BIRC6: variants seen among roughly 807,000 people sequenced by gnomAD.
BIRC6 encodes the protein baculoviral IAP repeat containing 6.
A neutral mutation model predicts 503.3 loss-of-function variants in BIRC6; 98 were observed. The observed-to-expected ratio is 0.19, with a 90% CI of 0.17 to 0.23. The LOEUF is 0.23. BIRC6 is among the 10% of genes least tolerant of loss of function. The pLI, the probability that BIRC6 is intolerant of heterozygous loss-of-function variation, is 1.00. For synonymous variants in BIRC6, 2,240 were observed against 2,078.7 expected, an observed-to-expected ratio of 1.08 and a Z score of -2.11; for missense variants, 5,360 against 5,806.0, an observed-to-expected ratio of 0.92 and a Z score of 2.50.
intron 61 of BIRC6, among the ~76,000 whole-genome samples, chr2:32,534,024 T>C (rs540804389): frequency 6.2e-4 from 95 of 152,296 alleles, no homozygotes; most frequent in African/African-American, 2.2e-3. Context: ...GAATTTCTAA[T>C]ATATCAAATT....
At chr2:32,487,526 C>A in intron 40 of BIRC6, 121 bp from the exon 41 acceptor site, 3 of 786,012 alleles carry the variant, frequency 3.8e-6, no homozygotes, top group South Asian at 6.3e-5. Context: ...TGTTTTGAAC[C>A]ATTCTAAAGA....
intron 50 of BIRC6, among the ~76,000 whole-genome samples, chr2:32,507,430 T>C (rs919620569): frequency 2.0e-5 from 3 of 152,110 alleles, no homozygotes; most frequent in African/African-American, 7.2e-5. Flanking sequence ...CAAGACTCTA[T>C]CTCAGGAAAA....
chr2:32,516,625 T>C (rs1232540458), intron 55 of BIRC6, among the ~76,000 whole-genome samples: 1 of 150,614 alleles, frequency 6.6e-6, no homozygotes, highest in Admixed American at 6.6e-5. Context: ...TAATTTATCA[T>C]ATATTATGAT....
chr2:32,368,546 CAAAT>C (rs1000012621), intron 1 of BIRC6, among the ~76,000 whole-genome samples: 7 of 151,804 alleles, frequency 4.6e-5, no homozygotes, highest in Non-Finnish European at 8.8e-5. Context: ...TCCCCCACAC[CAAAT>C]AAATAAATAA....
chr2:32,550,362 C>T (rs967222145), intron 65 of BIRC6, among the ~76,000 whole-genome samples: 1 of 152,076 alleles, frequency 6.6e-6, no homozygotes, highest in Non-Finnish European at 1.5e-5. Flanking sequence ...CCCGTATTCC[C>T]CAGTATCAGG....
chr2:32,407,273 C>A (rs1168574898), intron 9 of BIRC6, among the ~76,000 whole-genome samples: 1 of 151,896 alleles, frequency 6.6e-6, no homozygotes, highest in Non-Finnish European at 1.5e-5. Flanking sequence ...TGGTGAAACC[C>A]CGTTTCTACT....
At chr2:32,403,962 C>T (rs903767134) in intron 8 of BIRC6, among the ~76,000 whole-genome samples, 1 of 149,040 alleles carries the variant, frequency 6.7e-6, no homozygotes, top group Non-Finnish European at 1.5e-5. Context: ...GAGTCTCACC[C>T]TGTCGCCCAG....
In BIRC6 at chr2:32,469,530, G is replaced by A; in HGVS notation, c.6263G>A (p.Gly2088Asp). ...CTTCTTCTTGTTCAACTGTGTGGTG[G>A]TGAAAGGTGGTGGGGTCAATTTCTT... Reference protein sequence around the residue: ...TGLLLVQLCGGERWWGQFLSN... With the variant: ...TGLLLVQLCGDERWWGQFLSN... The change falls in exon 30 of 74, where the codon GGT (glycine) becomes GAT (aspartate). Residue 2088 changes from glycine (G) to aspartate (D), a missense_variant. Gly to Asp is a moderately conservative substitution (Grantham distance 94). Transcript: ENST00000421745. The A allele has an allele frequency of 6.2e-7, 1 of 1,613,920 alleles. No homozygotes were observed. The highest frequency in any genetic ancestry group is 8.5e-7 in the Non-Finnish European group (1 of 1,179,834).
intron 37 of BIRC6, among the ~76,000 whole-genome samples, chr2:32,479,876 A>G (rs1381286864): frequency 1.3e-5 from 2 of 152,158 alleles, no homozygotes; most frequent in African/African-American, 4.8e-5. Flanking sequence ...TGTAGAAAAC[A>G]TGTAAAAATA....
chr2:32,511,211 T>C (rs1417518759), intron 53 of BIRC6, among the ~76,000 whole-genome samples: 10 of 143,834 alleles, frequency 7.0e-5, no homozygotes, highest in Admixed American at 1.4e-4. Flanking sequence ...CTTTTTTTTT[T>C]TTTTTTTTTT....
chr2:32,597,740 TCTC>T lies in BIRC6; in HGVS notation c.13613-8_13613-6del, dbSNP rs768697058. The T allele has an allele frequency of 1.8e-5, 28 of 1,598,226 alleles. No individual in the cohort carries two copies. Among genetic ancestry groups the T allele is most frequent in the Non-Finnish European group, 2.4e-5 (28 of 1,166,608 alleles). Reference sequence around the variant, plus strand: ...TGCAGTTCTGGGTTTTATTTTTTCTTCTCCTTTTAGATACGTTTGAAATGGTTT... The same window carrying T: ...TGCAGTTCTGGGTTTTATTTTTTCTTCTTTTAGATACGTTTGAAATGGTTT... On this transcript the variant is annotated splice_region_variant and splice_polypyrimidine_tract_variant and intron_variant, in intron 68 of 73. Coordinates refer to ENST00000421745, the MANE Select transcript of BIRC6 (RefSeq NM_016252.4).
At position 32,547,898 on chromosome 2, in the gene BIRC6, T is replaced by G. The variant is rs761051159; in HGVS notation, c.12859T>G (p.Leu4287Val). The G allele has an allele frequency of 6.2e-7, 1 of 1,612,986 alleles. No homozygotes were observed. The highest frequency in any genetic ancestry group is 8.5e-7 in the Non-Finnish European group (1 of 1,179,514). Residue 4287 changes from leucine to valine, a missense_variant, in exon 64 of 74, where the codon TTA (leucine) becomes GTA (valine). This residue lies in a region of BIRC6 where 477 missense variants were observed against 574.4 expected (regional missense o/e 0.83). Coordinates refer to ENST00000421745, the MANE Select transcript of BIRC6 (RefSeq NM_016252.4). ...CCCTACATCAACAGAAGAACAACAG[T>G]TATATTGGGCCAAAGGGACTGGCTT... ...HNPTSTEEQQ[L>V]YWAKGTGFGT...
At chr2:32,425,213 T>G (rs2043353541) in intron 10 of BIRC6, among the ~76,000 whole-genome samples, 1 of 152,154 alleles carries the variant, frequency 6.6e-6, no homozygotes, top group Admixed American at 6.5e-5. Context: ...GTCTTTTTAC[T>G]TTCTTGGTAG....
At chr2:32,581,817 T>G (rs891658452) in intron 66 of BIRC6, among the ~76,000 whole-genome samples, 2 of 152,226 alleles carry the variant, frequency 1.3e-5, no homozygotes, top group Admixed American at 6.5e-5. Context: ...TTCATACATG[T>G]AAAATTGTGC....
In BIRC6 at chr2:32,464,678, T is replaced by A; in HGVS notation, c.5111T>A (p.Phe1704Tyr). ...CCCACTCCAAAAACAACACCTCTTT[T>A]TATGACTCCACCACTCACTCCACCC... ...IPPTPKTTPL[F>Y]MTPPLTPPNE... is the part of the protein sequence containing the mutation. Residue 1704 changes from phenylalanine (F) to tyrosine (Y), a missense_variant, in exon 25 of 74, where the codon TTT becomes TAT. Physicochemically the swap from Phe to Tyr is conservative, Grantham distance 22 (BLOSUM62 3). Coordinates refer to ENST00000421745, the MANE Select transcript of BIRC6 (RefSeq NM_016252.4). The A allele has an allele frequency of 6.2e-7, 1 of 1,613,970 alleles. No individual in the cohort carries two copies. Among genetic ancestry groups the A allele is most frequent in the Middle Eastern group, 1.6e-4 (1 of 6,062 alleles).
At chr2:32,518,755 T>C in intron 56 of BIRC6, 62 bp from the exon 57 acceptor site, 1 of 1,534,148 alleles carries the variant, frequency 6.5e-7, no homozygotes, top group Admixed American at 1.8e-5. Context: ...TTTGAGATTA[T>C]TTTATAACAA....
intron 3 of BIRC6, among the ~76,000 whole-genome samples, chr2:32,384,804 C>T (rs775893801): frequency 6.6e-5 from 10 of 152,136 alleles, no homozygotes; most frequent in African/African-American, 9.7e-5. Context: ...CACTGGAGTG[C>T]CCGTGGAGAG....
In BIRC6 at chr2:32,387,035, C is replaced by T. The variant is rs1004042800; in HGVS notation, c.646-1715C>T. Reference sequence around the variant, plus strand: ...CTTTATTAATCGCTTGACCATCCTACGTGCCCTCTTTCTTGGACCACAGTG... The same window carrying T: ...CTTTATTAATCGCTTGACCATCCTATGTGCCCTCTTTCTTGGACCACAGTG... On this transcript the variant is annotated intron_variant, in intron 3 of 73. Coordinates refer to ENST00000421745, the MANE Select transcript of BIRC6 (RefSeq NM_016252.4). 2.2e-4 allele frequency among the ~76,000 whole-genome samples: 33 copies of T among 152,312 alleles called. 1 individual carries two copies. The highest frequency in any genetic ancestry group is 7.2e-4 in the African/African-American group (30 of 41,568).
intron 65 of BIRC6, among the ~76,000 whole-genome samples, chr2:32,555,164 T>C (rs910214920): frequency 2.6e-5 from 4 of 152,176 alleles, no homozygotes; most frequent in African/African-American, 4.8e-5. Context: ...ATAGTTTTCA[T>C]GGTAATAGTT....
Sources: gnomAD v4.1 joint callset for allele counts (sites outside exome capture counted in the v4.1 genomes callset) on GRCh38, gnomAD v4.1.1 for gene constraint, gnomAD v4.1.1 regional missense constraint, MANE v1.5 for transcripts, NCBI Gene and HGNC (gene_info 2026-07-23, HGNC 2026-07-21) for gene names.